PCDH7: variants seen among roughly 807,000 people sequenced by gnomAD.
PCDH7 encodes the protein protocadherin 7.
In PCDH7, 17 loss-of-function variants were observed where a neutral mutation model predicts 58.9. The ratio of observed to expected loss-of-function variants is 0.29; its 90% CI spans 0.20 to 0.43. The LOEUF is 0.43. Among genes scored for constraint, PCDH7 ranks in the 20% least tolerant of loss-of-function variants. The pLI is 1.00. For synonymous variants in PCDH7, 664 were observed against 616.4 expected (o/e 1.08, Z -1.14); for missense variants, 1,274 against 1,441.0 (o/e 0.88, Z 1.88).
chr4:30,908,508 A>C (rs900889608), intron 1 of PCDH7, among the ~76,000 whole-genome samples: 2 of 152,098 alleles, frequency 1.3e-5, no homozygotes, highest in Non-Finnish European at 2.9e-5. Context: ...TCACACAACA[A>C]AGATTAAATC....
chr4:30,863,646 A>G (rs1013876614), intron 1 of PCDH7, among the ~76,000 whole-genome samples: 2 of 152,120 alleles, frequency 1.3e-5, no homozygotes, highest in African/African-American at 4.8e-5. Flanking sequence ...AAGACTCTCA[A>G]ATGTGTCTGA....
At chr4:30,791,870 C>G (rs1724160152) in intron 1 of PCDH7, among the ~76,000 whole-genome samples, 1 of 152,074 alleles carries the variant, frequency 6.6e-6, no homozygotes, top group South Asian at 2.1e-4. Context: ...TATACAAGTT[C>G]CTCCGACTAC....
chr4:31,099,189 TA>T (rs1714569718), intron 3 of PCDH7, among the ~76,000 whole-genome samples: 1 of 152,162 alleles, frequency 6.6e-6, no homozygotes, highest in Non-Finnish European at 1.5e-5. Context: ...TGCACACAGC[TA>T]AAAGGTGCAA....
In PCDH7 at chr4:30,811,526, T is replaced by A. The variant is rs374315648; in HGVS notation, c.70+86930T>A. Among the ~76,000 whole-genome samples the A allele has an allele frequency of 9.8e-5, 15 of 152,296 alleles. No individual in the cohort carries two copies. The East Asian group carries it at 2.5e-3, about 26-fold the overall frequency. The stretch of plus-strand genomic sequence containing the variant: ...ATGGAAAAAAGTCATGTGGAATCTA[T>A]TTGACTCTGATGTTGGAGGGAAGCA... On this transcript the variant is annotated intron_variant, in intron 1 of 3. Coordinates refer to the PCDH7 transcript ENST00000509759.
chr4:30,954,037 C>T (rs535321091), intron 3 of PCDH7, among the ~76,000 whole-genome samples: 1 of 152,218 alleles, frequency 6.6e-6, no homozygotes, highest in Middle Eastern at 3.4e-3. Context: ...TCTGCGCTTT[C>T]CCTAACATAA....
At position 30,947,611 on chromosome 4, in the gene PCDH7, C is replaced by T. The variant is rs892988664; in HGVS notation, c.288-2509C>T. 7.9e-5 allele frequency among the ~76,000 whole-genome samples: 12 copies of T among 152,166 alleles called. 1 individual carries two copies. In the East Asian group the frequency reaches 1.7e-3, roughly 22 times the overall value. On this transcript the variant is annotated intron_variant, in intron 2 of 3. Transcript: ENST00000509759. ...ATATAATAATTTATAGTGTACCTAG[C>T]GATGATTCAATGCATATAGTATATA...
chr4:31,119,560 C>G (rs1717402602), intron 3 of PCDH7, among the ~76,000 whole-genome samples: 1 of 152,000 alleles, frequency 6.6e-6, no homozygotes, highest in Non-Finnish European at 1.5e-5. Flanking sequence ...AGCTTTAGAG[C>G]AGGAACGAAA....
chr4:30,989,894 C>T (rs1196130352), intron 3 of PCDH7, among the ~76,000 whole-genome samples: 1 of 152,026 alleles, frequency 6.6e-6, no homozygotes, highest in Non-Finnish European at 1.5e-5. Context: ...AAAAGTTTTG[C>T]CTCAAACTAT....
rs115659898 is a variant in PCDH7 at position 30,855,433 on chromosome 4, G to A, written c.71-64720G>A. Among the ~76,000 whole-genome samples, 715 of 152,244 alleles carry A rather than the reference G, an allele frequency of 4.7e-3. 5 individuals are homozygous for A. Among genetic ancestry groups the A allele is most frequent in the African/African-American group, 0.017 (688 of 41,560 alleles). ...CTTGGTGTGATTGTGATTAACAATA[G>A]CTGGCCAGTGGGCACTGCTGCTGTT... On this transcript the variant is annotated intron_variant, in intron 1 of 3. Transcript: ENST00000509759.
At chr4:31,101,681 T>C (rs61794130) in intron 3 of PCDH7, among the ~76,000 whole-genome samples, 5,801 of 152,302 alleles carry the variant, frequency 0.038, 172 homozygotes, top group Non-Finnish European at 0.055. Flanking sequence ...AAAAGTCTTA[T>C]CTTAACAGAG....
At chr4:31,138,641 A>T (rs1221588915) in intron 3 of PCDH7, among the ~76,000 whole-genome samples, 1 of 152,168 alleles carries the variant, frequency 6.6e-6, no homozygotes, top group African/African-American at 2.4e-5. Context: ...GATGAACTTC[A>T]TGTGGGAAGT....
At chr4:30,910,753 T>C (rs889056960) in intron 1 of PCDH7, among the ~76,000 whole-genome samples, 3 of 152,204 alleles carry the variant, frequency 2.0e-5, no homozygotes, top group African/African-American at 7.2e-5. Flanking sequence ...AGGGTGGTGA[T>C]TCCTCAAGGA....
intron 1 of PCDH7, among the ~76,000 whole-genome samples, chr4:30,755,690 GA>G (rs1719203920): frequency 6.6e-6 from 1 of 152,236 alleles, no homozygotes; most frequent in East Asian, 1.9e-4. Flanking sequence ...AATTGATGAA[GA>G]AAAGAGGTGT....
intron 3 of PCDH7, among the ~76,000 whole-genome samples, chr4:31,140,890 C>A (rs1449029582): frequency 6.6e-6 from 1 of 152,118 alleles, no homozygotes; most frequent in Non-Finnish European, 1.5e-5. Flanking sequence ...AAATAATTAA[C>A]CTTACATTTT....
At chr4:30,830,687 G>T (rs1321339909) in intron 1 of PCDH7, among the ~76,000 whole-genome samples, 2 of 151,844 alleles carry the variant, frequency 1.3e-5, no homozygotes, top group Non-Finnish European at 2.9e-5. Context: ...AGGTCATTGT[G>T]GTTACTTCTT....
chr4:30,851,156 C>CTG (rs35649499), intron 1 of PCDH7, among the ~76,000 whole-genome samples: 10,469 of 150,246 alleles, frequency 0.07, 452 homozygotes, highest in African/African-American at 0.12. Context: ...ATGTGTGTGT[C>CTG]TGTGTGTGTG....
chr4:31,074,149 C>T (rs1431509929), intron 3 of PCDH7, among the ~76,000 whole-genome samples: 1 of 151,720 alleles, frequency 6.6e-6, no homozygotes, highest in Non-Finnish European at 1.5e-5. Context: ...CCAAAACCCC[C>T]GTCACATTCA....
intron 3 of PCDH7, among the ~76,000 whole-genome samples, chr4:30,957,649 T>C (rs1412378391): frequency 6.6e-6 from 1 of 152,166 alleles, no homozygotes; most frequent in African/African-American, 2.4e-5. Flanking sequence ...AATAAGGCAC[T>C]ATACTATCAA....
At chr4:31,137,191 A>G (rs1278998870) in intron 3 of PCDH7, among the ~76,000 whole-genome samples, 2 of 152,234 alleles carry the variant, frequency 1.3e-5, no homozygotes, top group African/African-American at 2.4e-5. Context: ...GAAGTCAAGA[A>G]ACATAGAAAG....
Sources: allele counts gnomAD v4.1 joint callset (sites outside exome capture counted in the v4.1 genomes callset), GRCh38; gene constraint gnomAD v4.1.1; transcripts MANE v1.5; gene names NCBI Gene and HGNC (gene_info 2026-07-23, HGNC 2026-07-21).